Variants in NCKAP5L observed in about 807,000 individuals in gnomAD.
NCKAP5L encodes the protein nck-associated protein 5-like.
NCKAP5L carries 54 observed loss-of-function variants against 103.2 expected under a neutral mutation model. The ratio of observed to expected loss-of-function variants is 0.52; its 90% confidence interval spans 0.42 to 0.66. NCKAP5L has a LOEUF of 0.66. Among genes scored for constraint, NCKAP5L ranks in the 30% least tolerant of loss-of-function variants. NCKAP5L has a pLI of 0.00. For synonymous variants in NCKAP5L, 762 were observed against 748.6 expected (o/e 1.02, Z -0.29); for missense variants, 1,733 against 1,750.6 (o/e 0.99, Z 0.18).
chr12:49,797,484 T>G lies in NCKAP5L; in HGVS notation c.466-90A>C. ...GGCCCTGGGCTGGCTTAACAGGGAA[T>G]GCCAGGAACAGAGCTGGCCTGGTTG... On this transcript the variant is annotated intron_variant, in intron 7 of 12. Coordinates refer to ENST00000335999, the MANE Select transcript of NCKAP5L (RefSeq NM_001037806.4). This position sits in a 1 kb window ranked among gnomAD's most constrained non-coding sequence, Gnocchi z 4.5. 1 of 978,936 alleles carries G rather than the reference T, an allele frequency of 1.0e-6. No individual in the cohort carries two copies. Among genetic ancestry groups the G allele is most frequent in the East Asian group, 2.6e-5 (1 of 38,324 alleles). 60.6% of individuals were successfully genotyped at this position (978,936 alleles called of 1,614,324 possible).
intron 1 of NCKAP5L, among the ~76,000 whole-genome samples, chr12:49,815,067 G>C (rs555903686): frequency 1.3e-5 from 2 of 152,322 alleles, no homozygotes; most frequent in Admixed American, 6.5e-5. Flanking sequence ...AAGGTTTCTT[G>C]TTCCTGGTGA....
In NCKAP5L at chr12:49,796,065, TG is replaced by T; in HGVS notation, c.1794del (p.Arg599GlufsTer73). The part of the protein sequence containing the change: ...TLEVPQAPEV[L>X]RSPGVPPSPC... The stretch of plus-strand genomic sequence containing the variant: ...GGACTGGGGGGTACTCCAGGGCTTC[TG>T]AGGACCTCAGGGGCCTGTGGTACCT... On this transcript the variant is annotated frameshift_variant, in exon 8 of 13. Coordinates refer to ENST00000335999, the MANE Select transcript of NCKAP5L (RefSeq NM_001037806.4). LOFTEE classifies it high-confidence loss of function. 1.3e-6 allele frequency: 2 copies of T among 1,584,260 alleles called. No individual in the cohort carries two copies. The highest frequency in any genetic ancestry group is 1.7e-6 in the Non-Finnish European group (2 of 1,167,636).
chr12:49,813,103 T>C (rs1009761612), intron 1 of NCKAP5L, among the ~76,000 whole-genome samples: 4 of 152,248 alleles, frequency 2.6e-5, no homozygotes, highest in African/African-American at 7.2e-5. Flanking sequence ...ACCCTGCAAA[T>C]GTGGATCACT....
intron 1 of NCKAP5L, among the ~76,000 whole-genome samples, chr12:49,827,033 A>T (rs1362922825): frequency 1.3e-5 from 2 of 152,226 alleles, no homozygotes; most frequent in Non-Finnish European, 2.9e-5. Flanking sequence ...GTTTTTAGGA[A>T]GATGGGGGGA....
Position 49,794,764 on chromosome 12 carries a change from C to G in NCKAP5L, c.3095+1G>C. On this transcript the variant is annotated splice_donor_variant, in intron 8 of 12. Coordinates refer to ENST00000335999, the MANE Select transcript of NCKAP5L (RefSeq NM_001037806.4). LOFTEE classifies it high-confidence loss of function. The stretch of plus-strand genomic sequence containing the variant: ...CCTGTTGACTGATCCCAGGACCTCA[C>G]CTGTTTAGCAGCTGCTGCATGAAGG... The G allele has an allele frequency of 1.3e-6, 2 of 1,501,988 alleles. No homozygotes were observed. The highest frequency in any genetic ancestry group is 1.8e-6 in the Non-Finnish European group (2 of 1,125,864). 93.0% of individuals were successfully genotyped at this position (1,501,988 alleles called of 1,614,324 possible). A position where few individuals can be genotyped will look rare whatever the true frequency, so the allele number is the denominator to read the frequency against.
chr12:49,821,803 G>A (rs547134728), intron 1 of NCKAP5L, among the ~76,000 whole-genome samples: 3 of 152,300 alleles, frequency 2.0e-5, no homozygotes, highest in South Asian at 2.1e-4. Flanking sequence ...TGAACAGGCC[G>A]CTCATATAGC....
In NCKAP5L at chr12:49,796,734, G is replaced by C; in HGVS notation, c.1126C>G (p.Leu376Val). The C allele has an allele frequency of 1.2e-6, 2 of 1,610,816 alleles. No individual in the cohort carries two copies. Among genetic ancestry groups the C allele is most frequent in the Non-Finnish European group, 1.7e-6 (2 of 1,178,564 alleles). Residue 376 changes from leucine (L) to valine (V), a missense_variant, in exon 8 of 13, where the codon CTC (leucine) becomes GTC (valine). Physicochemically the swap from Leu to Val is conservative, Grantham distance 32 (BLOSUM62 1). Transcript: ENST00000335999. ...APPQLSKSKG[L>V]PKSAWGGGTP... is the part of the protein sequence containing the mutation. ...CCCCCACCCCAAGCTGACTTGGGGA[G>C]GCCTTTGGACTTAGACAGCTGTGGG...
At chr12:49,799,196 C>G (rs895960416) in intron 6 of NCKAP5L, among the ~76,000 whole-genome samples, 1 of 152,202 alleles carries the variant, frequency 6.6e-6, no homozygotes, top group African/African-American at 2.4e-5. Context: ...CTGCACTACT[C>G]AGCATCTCAT....
In NCKAP5L at chr12:49,796,247, G is replaced by T. The variant is rs555558496; in HGVS notation, c.1613C>A (p.Pro538Gln). The change falls in exon 8 of 13, where the codon CCG (proline) becomes CAG (glutamine). Residue 538 changes from proline to glutamine, a missense_variant. By Grantham distance (76) the Pro-to-Gln change is moderately conservative. Transcript: ENST00000335999. ...TTPDSTQLRP[P>Q]QSALSTTLSP... is the part of the protein sequence containing the mutation. ...CAGCGTGGTGGACAAGGCTGACTGC[G>T]GGGGTCTGAGCTGTGTGGAGTCTGG... The T allele has an allele frequency of 1.4e-5, 22 of 1,572,892 alleles. No individual in the cohort carries two copies. Among genetic ancestry groups the T allele is most frequent in the Non-Finnish European group, 1.7e-5 (20 of 1,160,190 alleles).
chr12:49,802,798 C>G (rs1270189004), intron 5 of NCKAP5L, 160 bp downstream of exon 5: 2 of 760,790 alleles, frequency 2.6e-6, no homozygotes, highest in Non-Finnish European at 4.2e-6. Flanking sequence ...CTTACCTAGT[C>G]CCACCTCTGT....
intron 1 of NCKAP5L, among the ~76,000 whole-genome samples, chr12:49,810,303 G>GCCGTCCTAGCCCAGC (rs1946225515): frequency 6.6e-6 from 1 of 152,200 alleles, no homozygotes; most frequent in Admixed American, 6.5e-5. Context: ...TCCAGCCCAG[G>GCCGTCCTAGCCCAGC]CCGTCCTAGC....
chr12:49,821,456 G>C (rs1052759067), intron 1 of NCKAP5L, among the ~76,000 whole-genome samples: 1 of 151,998 alleles, frequency 6.6e-6, no homozygotes, highest in Non-Finnish European at 1.5e-5. Flanking sequence ...CACAGACTGC[G>C]GGAGTGGGGA....
At chr12:49,807,132 G>A (rs186994517) in intron 1 of NCKAP5L, among the ~76,000 whole-genome samples, 12 of 152,262 alleles carry the variant, frequency 7.9e-5, no homozygotes, top group Admixed American at 7.2e-4. Flanking sequence ...CCTCCCAGCC[G>A]GCCCTCCAGC....
intron 3 of NCKAP5L, among the ~76,000 whole-genome samples, 183 bp from the exon 4 acceptor site, chr12:49,803,348 G>A (rs1438901070): frequency 6.6e-6 from 1 of 152,192 alleles, no homozygotes; most frequent in African/African-American, 2.4e-5. Flanking sequence ...GCAGCAGGAG[G>A]GCAGGGCTGA....
At chr12:49,803,262 G>C in intron 3 of NCKAP5L, 97 bp from the exon 4 acceptor site, 1 of 1,203,292 alleles carries the variant, frequency 8.3e-7, no homozygotes, top group South Asian at 1.3e-5. Context: ...GCAACTACAG[G>C]GGTGCTAACT....
chr12:49,794,853 C>A lies in NCKAP5L; in HGVS notation c.3007G>T (p.Gly1003Trp). 6.6e-7 allele frequency: 1 copy of A among 1,507,620 alleles called. No homozygotes were observed. Among genetic ancestry groups the A allele is most frequent in the Non-Finnish European group, 8.9e-7 (1 of 1,128,604 alleles). The allele number at this position is 1,507,620 out of a possible 1,614,324, so 93.4% of individuals were successfully genotyped here. A position where few individuals can be genotyped will look rare whatever the true frequency, so the allele number is the denominator to read the frequency against. Residue 1003 changes from glycine to tryptophan, a missense_variant, in exon 8 of 13, where the codon GGG becomes TGG. Physicochemically the swap from Gly to Trp is radical, Grantham distance 184. Transcript: ENST00000335999. ...ARPRPGGPAP[G>W]PNTGLGQVQG... ...ACCTGCCCCAGCCCCGTGTTGGGCC[C>A]TGGGGCTGGGCCACCAGGCCGTGGC...
At chr12:49,810,676 C>T (rs1946230330) in intron 1 of NCKAP5L, among the ~76,000 whole-genome samples, 2 of 152,158 alleles carry the variant, frequency 1.3e-5, no homozygotes, top group Admixed American at 1.3e-4. Context: ...ACAGGAGAAG[C>T]CAGCTTCCTT....
At position 49,798,317 on chromosome 12, in the gene NCKAP5L, T is replaced by G. The variant is rs1358188625; in HGVS notation, c.465+33A>C. 3 of 1,486,618 alleles carry G rather than the reference T, an allele frequency of 2.0e-6. No individual in the cohort carries two copies. The East Asian group carries it at 7.4e-5, about 37-fold the overall frequency. The allele number at this position is 1,486,618 out of a possible 1,614,324, so 92.1% of individuals were successfully genotyped here. Reference sequence around the variant, plus strand: ...CCAGATATTTGCTAGGAAACATCAGTGGAGTACTGACCACAATACCTAGCC... The same window carrying G: ...CCAGATATTTGCTAGGAAACATCAGGGGAGTACTGACCACAATACCTAGCC... On this transcript the variant is annotated intron_variant, in intron 7 of 12. Coordinates refer to ENST00000335999, the MANE Select transcript of NCKAP5L (RefSeq NM_001037806.4).
chr12:49,802,216 A>C, intron 5 of NCKAP5L: 1 of 406,638 alleles, frequency 2.5e-6, no homozygotes, highest in Non-Finnish European at 4.4e-6. Flanking sequence ...TCTCTTTGTT[A>C]TCTTTCTCAT....
Sources: gnomAD v4.1 joint callset for allele counts (sites outside exome capture counted in the v4.1 genomes callset) on GRCh38, gnomAD v4.1.1 for gene constraint, Gnocchi (gnomAD v3.1) non-coding constraint, MANE v1.5 for transcripts, NCBI Gene and HGNC (gene_info 2026-07-23, HGNC 2026-07-21) for gene names.